Variants in CDH6 observed in about 807,000 individuals in gnomAD.
CDH6 encodes cadherin-6.
In CDH6, 31 loss-of-function variants were observed where a neutral mutation model predicts 78.0. The ratio of observed to expected loss-of-function variants is 0.40; its 90% CI spans 0.30 to 0.54. The LOEUF (loss-of-function observed/expected upper bound fraction) is 0.54, where lower values mean the gene tolerates loss of function less well. Ranked by LOEUF, CDH6 falls within the 20% of genes least tolerant of loss-of-function variation. The probability of loss-of-function intolerance (pLI) is 0.56; values close to 1 mark genes in which losing one functional copy is unlikely to be tolerated. For synonymous variants in CDH6, 376 were observed against 368.8 expected (o/e 1.02, Z -0.23); for missense variants, 724 against 975.9 (o/e 0.74, Z 3.44).
chr5:31,265,458 C>T (rs895366217), intron 1 of CDH6, among the ~76,000 whole-genome samples: 4 of 152,150 alleles, frequency 2.6e-5, no homozygotes, highest in Non-Finnish European at 5.9e-5. Flanking sequence ...ATGCCGAATA[C>T]TATAAAATAT....
At chr5:31,282,613 G>A (rs1041151895) in intron 2 of CDH6, among the ~76,000 whole-genome samples, 6 of 152,290 alleles carry the variant, frequency 3.9e-5, no homozygotes, top group Middle Eastern at 3.4e-3. Flanking sequence ...CACAGGTCCC[G>A]GGAATTAGGA....
Position 31,199,273 on chromosome 5 carries a change from T to C in CDH6, c.-129+5387T>C, listed in dbSNP as rs544039799. Among the ~76,000 whole-genome samples, 287 of 151,546 alleles carry C rather than the reference T, an allele frequency of 1.9e-3. 1 individual carries two copies. Among genetic ancestry groups the C allele is most frequent in the South Asian group, 4.6e-3 (22 of 4,810 alleles). On this transcript the variant is annotated intron_variant, in intron 1 of 11. Transcript: ENST00000265071. The stretch of plus-strand genomic sequence containing the variant: ...TATATATATATGCTCAGAGCATATA[T>C]ATCTATACACACACATATATATAGT...
At position 31,326,754 on chromosome 5, in the gene CDH6, C is replaced by T. The variant is rs574787201; in HGVS notation, c.*3446C>T. The T allele has an allele frequency of 1.3e-4, 19 of 145,792 alleles. No homozygotes were observed. The East Asian group carries it at 3.0e-3, about 23-fold the overall frequency. The allele number at this position is 145,792 out of a possible 1,614,324, so 9.0% of individuals were successfully genotyped here. On this transcript the variant is annotated 3_prime_UTR_variant, in exon 12 of 12. Transcript: ENST00000265071. The stretch of plus-strand genomic sequence containing the variant: ...TCGCCCAGGCTGGAATGCAGTGGCG[C>T]GATCTCTGCTCACTACAAGCTCCGC...
chr5:31,229,714 C>T (rs768131066), intron 1 of CDH6, among the ~76,000 whole-genome samples: 2 of 152,168 alleles, frequency 1.3e-5, no homozygotes, highest in African/African-American at 2.4e-5. Context: ...AATTGTGGAC[C>T]ATCATAGTAG....
At chr5:31,242,749 C>T (rs1395779065) in intron 1 of CDH6, among the ~76,000 whole-genome samples, 1 of 151,116 alleles carries the variant, frequency 6.6e-6, no homozygotes, top group Admixed American at 6.6e-5. Context: ...TGGTCATGTG[C>T]AGTGGCTCAC....
chr5:31,260,519 T>C (rs1255270001), intron 1 of CDH6, among the ~76,000 whole-genome samples: 1 of 152,234 alleles, frequency 6.6e-6, no homozygotes, highest in Non-Finnish European at 1.5e-5. Context: ...CCCAACTACA[T>C]ATAAAATGCC....
At chr5:31,319,645 G>A (rs958985489) in intron 11 of CDH6, among the ~76,000 whole-genome samples, 2 of 152,178 alleles carry the variant, frequency 1.3e-5, no homozygotes, top group Admixed American at 1.3e-4. Flanking sequence ...TGAAATGCAG[G>A]GCGATTTCCA....
rs1159579503 is a variant in CDH6, at chr5:31,325,498, A to C, written c.*2190A>C. ...GAACAGCACCTTAATCACACGATTT[A>C]CTGTAAAATTAAAGAGGTCTCTATC... On this transcript the variant is annotated 3_prime_UTR_variant, in exon 12 of 12. Coordinates refer to ENST00000265071, the MANE Select transcript of CDH6 (RefSeq NM_004932.4). The C allele has an allele frequency of 4.3e-6, 1 of 231,068 alleles. No individual in the cohort carries two copies. The highest frequency in any genetic ancestry group is 5.6e-5 in the Admixed American group (1 of 17,722). The allele number at this position is 231,068 out of a possible 1,614,324, so 14.3% of individuals were successfully genotyped here.
chr5:31,238,477 G>T (rs1741512296), intron 1 of CDH6, among the ~76,000 whole-genome samples: 1 of 152,160 alleles, frequency 6.6e-6, no homozygotes, highest in African/African-American at 2.4e-5. Context: ...TCCCTTGAAA[G>T]GAGACAGAAA....
intron 1 of CDH6, among the ~76,000 whole-genome samples, chr5:31,257,738 T>C (rs1742095085): frequency 6.6e-6 from 1 of 152,118 alleles, no homozygotes; most frequent in African/African-American, 2.4e-5. Context: ...CCCACTAATG[T>C]TGATAATCCA....
At chr5:31,310,047 A>G (rs1379847183) in intron 7 of CDH6, among the ~76,000 whole-genome samples, 2 of 152,236 alleles carry the variant, frequency 1.3e-5, no homozygotes, top group African/African-American at 4.8e-5. Flanking sequence ...ACAGTCCCCC[A>G]AAGTCTTAAC....
At chr5:31,267,787 A>C in intron 2 of CDH6, 86 bp downstream of exon 2, 1 of 942,660 alleles carries the variant, frequency 1.1e-6, no homozygotes, top group Non-Finnish European at 1.7e-6. Context: ...GATGTGTACT[A>C]TTCCCCAATA....
rs150705645 is a variant in CDH6 at position 31,294,145 on chromosome 5, C to T, written c.412C>T (p.Pro138Ser). The stretch of plus-strand genomic sequence containing the variant: ...AGCTATAAACAGAAGGACAGGGAGA[C>T]CCGTGGAGCCCGAGTCTGAATTCAT... ...AQAINRRTGR[P>S]VEPESEFIIK... Residue 138 changes from proline to serine, a missense_variant, in exon 3 of 12, where the codon CCC (proline) becomes TCC (serine). Physicochemically the swap from Pro to Ser is moderately conservative, Grantham distance 74 (BLOSUM62 -1). Coordinates refer to ENST00000265071, the MANE Select transcript of CDH6 (RefSeq NM_004932.4). This position sits in a 1 kb window ranked among gnomAD's most constrained non-coding sequence, Gnocchi z 4.1. 2 of 1,613,812 alleles carry T rather than the reference C, an allele frequency of 1.2e-6. No individual in the cohort carries two copies. Among genetic ancestry groups the T allele is most frequent in the East Asian group, 2.2e-5 (1 of 44,840 alleles).
chr5:31,305,669 T>C (rs1737971439), intron 7 of CDH6, among the ~76,000 whole-genome samples: 1 of 152,180 alleles, frequency 6.6e-6, no homozygotes. Flanking sequence ...ACCCCCATAT[T>C]AAAATTCACA....
chr5:31,295,494 A>G (rs970837112), intron 3 of CDH6, among the ~76,000 whole-genome samples: 3 of 152,210 alleles, frequency 2.0e-5, no homozygotes, highest in Non-Finnish European at 4.4e-5. Context: ...TTGTATTACA[A>G]ACATTTAGGG....
Position 31,209,888 on chromosome 5 carries a change from T to C in CDH6, c.-129+16002T>C, listed in dbSNP as rs536442852. 1.2e-4 allele frequency among the ~76,000 whole-genome samples: 18 copies of C among 152,022 alleles called. No homozygotes were observed. The East Asian group carries it at 3.4e-3, about 28-fold the overall frequency. On this transcript the variant is annotated intron_variant, in intron 1 of 11. Transcript: ENST00000265071. ...TGGCAATTGGAGCTACACCCTTCCA[T>C]ATTTTTGTCTAGTAGAAAAGAGAAA...
At chr5:31,239,992 C>A (rs552178020) in intron 1 of CDH6, among the ~76,000 whole-genome samples, 1 of 152,160 alleles carries the variant, frequency 6.6e-6, no homozygotes, top group South Asian at 2.1e-4. Flanking sequence ...AATTTATTAC[C>A]TGTGAATTTT....
intron 4 of CDH6, among the ~76,000 whole-genome samples, chr5:31,298,004 T>C (rs1737659408): frequency 6.6e-6 from 1 of 152,190 alleles, no homozygotes; most frequent in Non-Finnish European, 1.5e-5. Flanking sequence ...AAATAAACTT[T>C]AGTTGTGTGA....
Position 31,324,652 on chromosome 5 carries a change from T to A in CDH6, c.*1344T>A, listed in dbSNP as rs1738576905. 1 of 210,288 alleles carries A rather than the reference T, an allele frequency of 4.8e-6. No homozygotes were observed. The highest frequency in any genetic ancestry group is 7.2e-5 in the East Asian group (1 of 13,858). The allele number at this position is 210,288 out of a possible 1,614,324, so 13.0% of individuals were successfully genotyped here. ...CATCCTGCCATCCTTGACTTTGAAC[T>A]AATGATAAAGTAATGATCTCAAACT... On this transcript the variant is annotated 3_prime_UTR_variant, in exon 12 of 12. Transcript: ENST00000265071.
Sources: gnomAD v4.1 joint callset for allele counts (sites outside exome capture counted in the v4.1 genomes callset) on GRCh38, gnomAD v4.1.1 for gene constraint, Gnocchi (gnomAD v3.1) non-coding constraint, MANE v1.5 for transcripts, NCBI Gene and HGNC (gene_info 2026-07-23, HGNC 2026-07-21) for gene names.